The following PKHD1 variants were observed in gnomAD, a reference collection of about 807,000 sequenced individuals.
The protein encoded by PKHD1 is PKHD1 ciliary IPT domain containing fibrocystin/polyductin.
In PKHD1, 291 loss-of-function variants were observed where a neutral mutation model predicts 412.0. The observed-to-expected ratio is 0.71, with a 90% confidence interval of 0.64 to 0.78. The LOEUF is 0.78. Ranked by LOEUF, PKHD1 falls within the 30% of genes least tolerant of loss-of-function variation. The pLI, the probability that PKHD1 is intolerant of heterozygous loss-of-function variation, is 0.00. For synonymous variants in PKHD1, 1,777 were observed against 1,821.5 expected (o/e 0.98, Z 0.62); for missense variants, 4,825 against 4,950.7 (o/e 0.97, Z 0.76).
At chr6:51,957,315 G>T (rs2127931498) in intron 36 of PKHD1, among the ~76,000 whole-genome samples, 1 of 152,154 alleles carries the variant, frequency 6.6e-6, no homozygotes, top group Non-Finnish European at 1.5e-5. Flanking sequence ...CTCTACTTTT[G>T]GAAATTTCTC....
Position 51,912,432 on chromosome 6 carries a change from G to A in PKHD1, c.6266C>T (p.Pro2089Leu), listed in dbSNP as rs376477480. 2.3e-5 allele frequency: 37 copies of A among 1,612,738 alleles called. No homozygotes were observed. Among genetic ancestry groups the A allele is most frequent in the Admixed American group, 3.3e-5 (2 of 59,914 alleles). ...TTCCACAGTGACAATCTCTTCCATC[G>A]GTTTGGCACCTTTAACACCTGTTCC... ...ISGTGVKGAK[P>L]MEEIVTVETV... The change falls in exon 38 of 67, where the codon CCG becomes CTG. Residue 2089 changes from proline (P) to leucine (L), a missense_variant. By Grantham distance (98) the Pro-to-Leu change is moderately conservative (BLOSUM62 -3). Coordinates refer to ENST00000371117, the MANE Select transcript of PKHD1 (RefSeq NM_138694.4).
chr6:51,617,950 C>T lies in PKHD1; in HGVS notation c.*1131G>A, dbSNP rs1027151227. ...TTTTTGGAAGCTCTCCACATTCCTG[C>T]GATCTTTTCTTTACATGCTTGGAGC... On this transcript the variant is annotated 3_prime_UTR_variant, in exon 67 of 67. Transcript: ENST00000371117. The T allele has an allele frequency of 2.0e-5, 3 of 152,132 alleles. No individual in the cohort carries two copies. Among genetic ancestry groups the T allele is most frequent in the Non-Finnish European group, 2.9e-5 (2 of 68,034 alleles). 9.4% of individuals were successfully genotyped at this position (152,132 alleles called of 1,614,324 possible).
intron 60 of PKHD1, among the ~76,000 whole-genome samples, chr6:51,698,219 G>T (rs923389311): frequency 6.6e-6 from 1 of 152,132 alleles, no homozygotes; most frequent in African/African-American, 2.4e-5. Context: ...CATTAGACTA[G>T]ACAGAATAAT....
intron 60 of PKHD1, among the ~76,000 whole-genome samples, chr6:51,667,067 G>C (rs375873404): frequency 2.7e-5 from 4 of 148,456 alleles, no homozygotes; most frequent in African/African-American, 1.0e-4. Context: ...CCCAGTAATG[G>C]GATGGCTGGG....
intron 53 of PKHD1, among the ~76,000 whole-genome samples, chr6:51,786,222 C>T (rs1164965535): frequency 6.6e-6 from 1 of 152,018 alleles, no homozygotes; most frequent in Non-Finnish European, 1.5e-5. Context: ...TGGATATATC[C>T]CAAATAACTC....
chr6:51,756,007 A>T (rs1786947915), intron 55 of PKHD1, among the ~76,000 whole-genome samples: 1 of 152,176 alleles, frequency 6.6e-6, no homozygotes, highest in Admixed American at 6.6e-5. Context: ...AATAATACAG[A>T]TGTTTAATAT....
intron 39 of PKHD1, among the ~76,000 whole-genome samples, chr6:51,910,406 A>G (rs533733382): frequency 2.6e-5 from 4 of 152,176 alleles, no homozygotes; most frequent in Non-Finnish European, 5.9e-5. Context: ...AGAGATATTT[A>G]TATTTGTATG....
intron 52 of PKHD1, among the ~76,000 whole-genome samples, chr6:51,825,942 G>A (rs756592625): frequency 1.8e-4 from 27 of 152,086 alleles, no homozygotes; most frequent in Non-Finnish European, 8.8e-5. Context: ...ACAAGCTATA[G>A]AAACATCACC....
intron 60 of PKHD1, among the ~76,000 whole-genome samples, chr6:51,698,653 A>T (rs944023082): frequency 1.8e-4 from 27 of 152,198 alleles, no homozygotes; most frequent in African/African-American, 6.5e-4. Context: ...GTGAAAAAAA[A>T]TCTCAGCAGT....
intron 55 of PKHD1, among the ~76,000 whole-genome samples, chr6:51,765,333 T>G (rs1358639810): frequency 6.6e-6 from 1 of 152,076 alleles, no homozygotes. Context: ...GCCAGAGAAG[T>G]TTTTTAAACA....
chr6:51,868,199 T>A, intron 47 of PKHD1, 90 bp from the exon 48 acceptor site: 2 of 1,165,970 alleles, frequency 1.7e-6, no homozygotes, highest in Non-Finnish European at 2.5e-6. Context: ...TTAAATTGCA[T>A]ATTTATCTAG....
rs1057516441 is a variant in PKHD1, at chr6:51,903,683, G to T, written c.6910C>A (p.Gln2304Lys). ...GNIIRNNVII[Q>K]VSGAEGLSNP... The stretch of plus-strand genomic sequence containing the variant: ...GAGAGTCCCTCGGCACCAGAAACCT[G>T]GATGATCACGTTGTTTCTTATTATA... Residue 2304 changes from glutamine (Q) to lysine (K), a missense_variant, in exon 43 of 67, where the codon CAG (glutamine) becomes AAG (lysine). Transcript: ENST00000371117. The T allele has an allele frequency of 6.2e-7, 1 of 1,610,686 alleles. No individual in the cohort carries two copies.
chr6:51,919,541 A>T (rs1260544897), intron 37 of PKHD1, among the ~76,000 whole-genome samples: 1 of 152,168 alleles, frequency 6.6e-6, no homozygotes, highest in Non-Finnish European at 1.5e-5. Context: ...GCCTTGTAAT[A>T]TCGTTTGAAG....
At chr6:51,689,994 C>T (rs1055787424) in intron 60 of PKHD1, among the ~76,000 whole-genome samples, 30 of 151,890 alleles carry the variant, frequency 2.0e-4, no homozygotes, top group Admixed American at 1.2e-3. Flanking sequence ...GAAAACTAGG[C>T]CAGGCGTGGT....
chr6:52,049,971 T>C (rs1054161349), intron 22 of PKHD1, among the ~76,000 whole-genome samples, 186 bp downstream of exon 22: 1 of 152,304 alleles, frequency 6.6e-6, no homozygotes, highest in African/African-American at 2.4e-5. Context: ...CCTTAGAAAC[T>C]CTGACAGTAG....
Position 51,632,611 on chromosome 6 carries a change from A to G in PKHD1, c.11619T>C (p.Ala3873=). Residue 3873 remains alanine (A), a synonymous_variant, in exon 65 of 67, where the codon GCT becomes GCC. Coordinates refer to ENST00000371117, the MANE Select transcript of PKHD1 (RefSeq NM_138694.4). ...GCCAACAGCACACCAGACAGCTCAG[A>G]GCCAGCCATGAGGCCACAGAGGACA... The part of the protein sequence containing the change: ...ASLSSVASWL[A]LSCLVCCWLK... 2.5e-6 allele frequency: 4 copies of G among 1,613,530 alleles called. No individual in the cohort carries two copies. Among genetic ancestry groups the G allele is most frequent in the Non-Finnish European group, 3.4e-6 (4 of 1,179,664 alleles).
At chr6:51,826,502 C>A (rs1767348326) in intron 52 of PKHD1, among the ~76,000 whole-genome samples, 1 of 152,144 alleles carries the variant, frequency 6.6e-6, no homozygotes, top group African/African-American at 2.4e-5. Flanking sequence ...AGGCATAGAG[C>A]AGAAGCTAGA....
chr6:51,898,503 A>G (rs923096566), intron 43 of PKHD1, among the ~76,000 whole-genome samples: 2 of 146,318 alleles, frequency 1.4e-5, no homozygotes, highest in Non-Finnish European at 3.0e-5. Flanking sequence ...TCTCTGGGAC[A>G]CATTCAAAGC....
intron 66 of PKHD1, among the ~76,000 whole-genome samples, chr6:51,621,639 A>G (rs550089921): frequency 6.6e-6 from 1 of 152,290 alleles, no homozygotes; most frequent in African/African-American, 2.4e-5. Flanking sequence ...AATTATTTAC[A>G]TGGCAGCTCC....
Sources: gnomAD v4.1 joint callset for allele counts (sites outside exome capture counted in the v4.1 genomes callset) on GRCh38, gnomAD v4.1.1 for gene constraint, MANE v1.5 for transcripts, NCBI Gene and HGNC (gene_info 2026-07-23, HGNC 2026-07-21) for gene names.